Variants in KCND3 observed in about 807,000 individuals in gnomAD.
KCND3 encodes the protein A-type voltage-gated potassium channel KCND3.
A neutral mutation model predicts 51.1 loss-of-function variants in KCND3; 9 were observed. That is an observed-to-expected ratio of 0.18 (90% CI 0.11 to 0.31). The LOEUF (loss-of-function observed/expected upper bound fraction) is 0.31. Ranked by LOEUF, KCND3 falls within the 10% of genes least tolerant of loss-of-function variation. The probability of loss-of-function intolerance (pLI) is 1.00; values close to 1 mark genes in which losing one functional copy is unlikely to be tolerated. For missense variants in KCND3, 526 were observed against 903.8 expected, an observed-to-expected ratio of 0.58 and a Z score of 5.36; for synonymous variants, 349 against 368.0, an observed-to-expected ratio of 0.95 and a Z score of 0.59.
intron 2 of KCND3, among the ~76,000 whole-genome samples, chr1:111,823,296 T>G (rs1571695398): frequency 6.6e-6 from 1 of 152,154 alleles, no homozygotes; most frequent in Non-Finnish European, 1.5e-5. Flanking sequence ...CTTATCTAAA[T>G]TTCATAGTTT....
chr1:111,816,541 C>G (rs775783759), intron 2 of KCND3, among the ~76,000 whole-genome samples: 1 of 152,232 alleles, frequency 6.6e-6, no homozygotes, highest in Non-Finnish European at 1.5e-5. Flanking sequence ...TGAGTCTTCA[C>G]TGATGCCCAA....
chr1:111,898,389 C>T (rs2101783311), intron 2 of KCND3, among the ~76,000 whole-genome samples: 1 of 152,260 alleles, frequency 6.6e-6, no homozygotes, highest in East Asian at 1.9e-4. Context: ...CTCCACATGC[C>T]TGGCACATGT....
At chr1:111,922,258 G>T (rs191306715) in intron 2 of KCND3, among the ~76,000 whole-genome samples, 108 of 152,340 alleles carry the variant, frequency 7.1e-4, no homozygotes, top group Non-Finnish European at 1.1e-3. Context: ...CTCTGCCTTG[G>T]ACTCAAGGTA....
intron 2 of KCND3, among the ~76,000 whole-genome samples, chr1:111,815,335 C>G (rs1347578226): frequency 6.6e-6 from 1 of 151,922 alleles, no homozygotes; most frequent in Non-Finnish European, 1.5e-5. Flanking sequence ...CAGTCACTTC[C>G]CTTCATGTGA....
At chr1:111,842,012 G>C (rs1314356179) in intron 2 of KCND3, among the ~76,000 whole-genome samples, 1 of 152,152 alleles carries the variant, frequency 6.6e-6, no homozygotes, top group Admixed American at 6.5e-5. Flanking sequence ...TCTAGGCCAG[G>C]GCCCATTGGG....
At chr1:111,918,050 T>A (rs367710083) in intron 2 of KCND3, among the ~76,000 whole-genome samples, 2 of 152,244 alleles carry the variant, frequency 1.3e-5, no homozygotes, top group African/African-American at 4.8e-5. Flanking sequence ...ATGAGGCTCC[T>A]AGAAGACTAA....
chr1:111,987,252 C>T (rs537939739), intron 1 of KCND3, among the ~76,000 whole-genome samples: 2 of 152,276 alleles, frequency 1.3e-5, no homozygotes, highest in East Asian at 1.9e-4. Context: ...CTCCAAGGAC[C>T]ACCAGTCCTT....
chr1:111,774,513 T>C lies in KCND3; in HGVS notation c.*1564A>G, dbSNP rs563002. The C allele has an allele frequency of 0.19, 29,609 of 152,200 alleles. 2,992 individuals carry two copies. Among genetic ancestry groups the C allele is most frequent in the Admixed American group, 0.22 (3,390 of 15,298 alleles). 9.4% of individuals were successfully genotyped at this position (152,200 alleles called of 1,614,324 possible). A position where few individuals can be genotyped will look rare whatever the true frequency, so the allele number is the denominator to read the frequency against. Reference sequence around the variant, plus strand: ...TCCACCAGGGTGCAAGCTAGTTGAATAGATATGTTGTCCAGGTGTTCAAGA... The same window carrying C: ...TCCACCAGGGTGCAAGCTAGTTGAACAGATATGTTGTCCAGGTGTTCAAGA... On this transcript the variant is annotated 3_prime_UTR_variant, in exon 8 of 8. Coordinates refer to ENST00000302127, the MANE Select transcript of KCND3 (RefSeq NM_001378969.1).
At chr1:111,961,026 C>G (rs1453309436) in intron 2 of KCND3, among the ~76,000 whole-genome samples, 1 of 152,222 alleles carries the variant, frequency 6.6e-6, no homozygotes, top group East Asian at 1.9e-4. Context: ...GTAGCCTCGA[C>G]TCTGTGCTCT....
chr1:111,886,870 A>G (rs1669595140), intron 2 of KCND3, among the ~76,000 whole-genome samples: 1 of 152,214 alleles, frequency 6.6e-6, no homozygotes, highest in East Asian at 1.9e-4. Flanking sequence ...TCCTTCCTGA[A>G]GGCAGTGAGC....
chr1:111,816,753 C>T (rs1395057102), intron 2 of KCND3, among the ~76,000 whole-genome samples: 1 of 152,236 alleles, frequency 6.6e-6, no homozygotes, highest in East Asian at 1.9e-4. Flanking sequence ...CAACTATTAA[C>T]TTGGTAACCC....
At chr1:111,869,443 G>C (rs961611681) in intron 2 of KCND3, among the ~76,000 whole-genome samples, 1 of 152,184 alleles carries the variant, frequency 6.6e-6, no homozygotes, top group Non-Finnish European at 1.5e-5. Flanking sequence ...ATGGGATCTT[G>C]AATGAGTTGG....
At chr1:111,983,462 C>T (rs1272889978) in intron 1 of KCND3, among the ~76,000 whole-genome samples, 1 of 152,134 alleles carries the variant, frequency 6.6e-6, no homozygotes, top group African/African-American at 2.4e-5. Context: ...ACTCCTTGCC[C>T]TAGCAACCTA....
chr1:111,917,395 T>C (rs1448202478), intron 2 of KCND3, among the ~76,000 whole-genome samples: 1 of 152,226 alleles, frequency 6.6e-6, no homozygotes, highest in African/African-American at 2.4e-5. Context: ...ACTGCAAGTA[T>C]GTGGAGTGCT....
At chr1:111,930,761 G>A (rs887163485) in intron 2 of KCND3, among the ~76,000 whole-genome samples, 13 of 152,164 alleles carry the variant, frequency 8.5e-5, no homozygotes, top group Non-Finnish European at 1.5e-5. Flanking sequence ...TTCTCCTCCA[G>A]CAACATGGGG....
At chr1:111,975,696 C>T (rs919325791) in intron 2 of KCND3, among the ~76,000 whole-genome samples, 3 of 152,172 alleles carry the variant, frequency 2.0e-5, no homozygotes, top group East Asian at 3.8e-4. Context: ...CATGAGGACC[C>T]TACATGAGCT....
intron 2 of KCND3, among the ~76,000 whole-genome samples, chr1:111,836,642 G>A (rs2101631244): frequency 6.6e-6 from 1 of 152,264 alleles, no homozygotes; most frequent in East Asian, 1.9e-4. Context: ...GCGGTATTAG[G>A]ATCACCACCA....
At chr1:111,879,890 T>G (rs1367733122) in intron 2 of KCND3, among the ~76,000 whole-genome samples, 1 of 152,146 alleles carries the variant, frequency 6.6e-6, no homozygotes, top group Non-Finnish European at 1.5e-5. Flanking sequence ...TGATGGTGTC[T>G]GGGTTCAATC....
Position 111,776,042 on chromosome 1 carries a change from C to T in KCND3, c.*35G>A, listed in dbSNP as rs746644140. 16 of 1,610,966 alleles carry T rather than the reference C, an allele frequency of 9.9e-6. No individual in the cohort carries two copies. In the South Asian group the frequency reaches 1.4e-4, roughly 14 times the overall value. ...CACCAACATGCCAGTCCCCTTCATT[C>T]CCCACTACCCACTCTGGCCCTCTGT... On this transcript the variant is annotated 3_prime_UTR_variant, in exon 8 of 8. Transcript: ENST00000302127.
Sources: gnomAD v4.1 joint callset for allele counts (sites outside exome capture counted in the v4.1 genomes callset) on GRCh38, gnomAD v4.1.1 for gene constraint, MANE v1.5 for transcripts, NCBI Gene and HGNC (gene_info 2026-07-23, HGNC 2026-07-21) for gene names.